Variants in AK9 observed in about 807,000 individuals in gnomAD.
The protein encoded by AK9 is adenylate kinase 9, also known as adenylate kinase domain containing 1.
In AK9, 191 loss-of-function variants were observed where a neutral mutation model predicts 239.6. The ratio of observed to expected loss-of-function variants is 0.80; its 90% CI spans 0.71 to 0.90. The LOEUF is 0.90. AK9 is among the 40% of genes least tolerant of loss of function. AK9 has a pLI of 0.00. For synonymous variants in AK9, 689 were observed against 721.0 expected, an observed-to-expected ratio of 0.96 and a Z score of 0.71; for missense variants, 1,995 against 2,214.7, an observed-to-expected ratio of 0.90 and a Z score of 1.99.
At position 109,577,847 on chromosome 6, in the gene AK9, CCT is replaced by C. The variant is rs372534527; in HGVS notation, c.2191+1701_2191+1702del. The stretch of plus-strand genomic sequence containing the variant: ...GTAATATCTCCTTCCTTCCTTCCTT[CCT>C]CTCTCTTTTTCTTTCTTTCTTTTTC... On this transcript the variant is annotated intron_variant, in intron 20 of 40. Coordinates refer to ENST00000424296, the MANE Select transcript of AK9 (RefSeq NM_001145128.3). Among the ~76,000 whole-genome samples, 1,059 of 150,928 alleles carry C rather than the reference CCT, an allele frequency of 7.0e-3. 15 individuals are homozygous for C. The highest frequency in any genetic ancestry group is 0.021 in the African/African-American group (871 of 41,230).
chr6:109,533,529 A>T (rs1172348637), intron 27 of AK9, 59 bp from the exon 28 acceptor site: 3 of 1,378,362 alleles, frequency 2.2e-6, no homozygotes, highest in Non-Finnish European at 3.0e-6. Context: ...GGATGTGTTC[A>T]TTAATTTGAC....
chr6:109,632,340 T>C (rs1291601767), intron 12 of AK9: 3 of 982,448 alleles, frequency 3.1e-6, no homozygotes, highest in Non-Finnish European at 3.6e-6. Flanking sequence ...CATTGCCCCT[T>C]CTAGAATTCC....
chr6:109,588,509 GCA>G (rs895726272), intron 17 of AK9, among the ~76,000 whole-genome samples: 57 of 152,254 alleles, frequency 3.7e-4, no homozygotes, highest in African/African-American at 1.3e-3. Context: ...TTTGTCAGAT[GCA>G]TTGTTTGCAA....
Position 109,539,968 on chromosome 6 carries a change from C to T in AK9, c.3350+2079G>A, listed in dbSNP as rs189649994. On this transcript the variant is annotated intron_variant, in intron 27 of 40. Coordinates refer to ENST00000424296, the MANE Select transcript of AK9 (RefSeq NM_001145128.3). ...TCCCTGATTGTTCCTGTGGAAGCTT[C>T]ATCTCAGAGGGGTATCTGGCCATGT... Among the ~76,000 whole-genome samples, 17 of 152,164 alleles carry T rather than the reference C, an allele frequency of 1.1e-4. No individual in the cohort carries two copies. In the East Asian group the frequency reaches 1.9e-3, roughly 17 times the overall value.
intron 17 of AK9, among the ~76,000 whole-genome samples, chr6:109,608,957 A>C (rs1290057991): frequency 6.6e-6 from 1 of 152,184 alleles, no homozygotes; most frequent in African/African-American, 2.4e-5. Flanking sequence ...TTTATGAAAA[A>C]TAGTTCTTCT....
chr6:109,636,567 C>A (rs1397084554), intron 10 of AK9, among the ~76,000 whole-genome samples: 1 of 151,268 alleles, frequency 6.6e-6, no homozygotes, highest in Non-Finnish European at 1.5e-5. Context: ...TCCTTCCCCC[C>A]AGCCCCTGGT....
At chr6:109,570,824 A>G (rs1478834182) in intron 21 of AK9, among the ~76,000 whole-genome samples, 1 of 152,206 alleles carries the variant, frequency 6.6e-6, no homozygotes, top group Non-Finnish European at 1.5e-5. Flanking sequence ...TTGTGATATG[A>G]AGACAAGAAG....
At chr6:109,633,928 A>T (rs1250524383) in intron 10 of AK9, among the ~76,000 whole-genome samples, 1 of 152,186 alleles carries the variant, frequency 6.6e-6, no homozygotes, top group Non-Finnish European at 1.5e-5. Flanking sequence ...AGTTGGGAAC[A>T]TGCTTATTTT....
At chr6:109,606,276 A>G (rs1240417705) in intron 17 of AK9, among the ~76,000 whole-genome samples, 1 of 152,062 alleles carries the variant, frequency 6.6e-6, no homozygotes, top group Non-Finnish European at 1.5e-5. Flanking sequence ...ATAGATAGAT[A>G]GATAGATAGA....
intron 5 of AK9, among the ~76,000 whole-genome samples, chr6:109,670,665 T>C (rs533238322): frequency 1.3e-5 from 2 of 152,148 alleles, no homozygotes; most frequent in Non-Finnish European, 2.9e-5. Context: ...TGTAAACCAA[T>C]TTAAGTTTTT....
intron 10 of AK9, among the ~76,000 whole-genome samples, chr6:109,637,859 C>A (rs917156072): frequency 6.6e-6 from 1 of 152,176 alleles, no homozygotes; most frequent in African/African-American, 2.4e-5. Context: ...AGCAGTGGTT[C>A]TCAGACTTAA....
At chr6:109,645,443 G>C (rs1344646247) in intron 8 of AK9, among the ~76,000 whole-genome samples, 1 of 152,222 alleles carries the variant, frequency 6.6e-6, no homozygotes, top group Non-Finnish European at 1.5e-5. Context: ...TGCCCACAGA[G>C]CCTTGCTCAC....
chr6:109,627,222 C>T (rs1046208038), intron 12 of AK9, among the ~76,000 whole-genome samples: 4 of 149,302 alleles, frequency 2.7e-5, no homozygotes, highest in African/African-American at 7.4e-5. Context: ...TATCTTGTCC[C>T]ACTGGAAGGT....
intron 12 of AK9, among the ~76,000 whole-genome samples, chr6:109,624,315 T>C (rs984408739): frequency 3.3e-5 from 5 of 152,168 alleles, no homozygotes; most frequent in East Asian, 1.9e-4. Flanking sequence ...CAGGGATGCA[T>C]AGATGCCCTT....
chr6:109,569,120 A>G (rs1174605751), intron 21 of AK9, among the ~76,000 whole-genome samples: 5 of 152,210 alleles, frequency 3.3e-5, no homozygotes, highest in African/African-American at 1.2e-4. Context: ...CCTGGAAATA[A>G]TACCACACAT....
intron 35 of AK9, 101 bp downstream of exon 35, chr6:109,506,226 G>A (rs563179044): frequency 1.4e-5 from 15 of 1,036,230 alleles, no homozygotes; most frequent in South Asian, 7.3e-5. Flanking sequence ...ATTAAGTCAC[G>A]CCTGACTCAT....
chr6:109,619,206 G>A lies in AK9; in HGVS notation c.1285C>T (p.Arg429Cys), dbSNP rs746966214. The change falls in exon 13 of 41, where the codon CGT becomes TGT. Residue 429 changes from arginine to cysteine, a missense_variant. Transcript: ENST00000424296. ...VVDYAQLVQP[R>C]FDKARETLVE... The stretch of plus-strand genomic sequence containing the variant: ...AATGTTTCACGGGCTTTATCAAAAC[G>A]TGGCTGAACAAGTTGGGCATAGTCG... 6.9e-5 allele frequency: 107 copies of A among 1,549,500 alleles called. No homozygotes were observed. The highest frequency in any genetic ancestry group is 8.7e-5 in the Non-Finnish European group (100 of 1,146,154).
In AK9 at chr6:109,593,477, C is replaced by T. The variant is rs536572289; in HGVS notation, c.1843-7405G>A. Among the ~76,000 whole-genome samples, 26 of 152,188 alleles carry T rather than the reference C, an allele frequency of 1.7e-4. No homozygotes were observed. In the South Asian group the frequency reaches 2.7e-3, roughly 16 times the overall value. On this transcript the variant is annotated intron_variant, in intron 17 of 40. Transcript: ENST00000424296. ...CCATTCCTTCTGAAACTATTCCAAA[C>T]GACAGAAAAAGAGGGACTCCTTCCT...
chr6:109,503,185 GTAT>G (rs986238264), intron 35 of AK9, among the ~76,000 whole-genome samples: 19 of 151,638 alleles, frequency 1.3e-4, no homozygotes, highest in African/African-American at 4.6e-4. Flanking sequence ...ATAATATATA[GTAT>G]TATTAAGGTA....
Sources: gnomAD v4.1 joint callset for allele counts (sites outside exome capture counted in the v4.1 genomes callset) on GRCh38, gnomAD v4.1.1 for gene constraint, MANE v1.5 for transcripts, NCBI Gene and HGNC (gene_info 2026-07-23, HGNC 2026-07-21) for gene names.